The following CEACAM21 variants were observed in gnomAD, a reference collection of about 807,000 sequenced individuals.
CEACAM21 encodes cell adhesion molecule CEACAM21.
In CEACAM21, 38 loss-of-function variants were observed where a neutral mutation model predicts 33.2. That is an observed-to-expected ratio of 1.14 (90% CI 0.88 to 1.50). The LOEUF is 1.50. CEACAM21 is among the 40% of genes most tolerant of loss of function. The probability of loss-of-function intolerance (pLI) is 0.00; values close to 1 mark genes in which losing one functional copy is unlikely to be tolerated. For missense variants in CEACAM21, 385 were observed against 364.6 expected (o/e 1.06, Z -0.46); for synonymous variants, 156 against 143.0 (o/e 1.09, Z -0.65).
chr19:41,579,316 G>T, intron 2 of CEACAM21, 37 bp from the exon 3 acceptor site: 1 of 1,613,922 alleles, frequency 6.2e-7, no homozygotes, highest in Non-Finnish European at 8.5e-7. Context: ...ATGCAGCATG[G>T]CCCCAAGACA....
At chr19:41,556,070 G>A (rs1555785544) in intron 1 of CEACAM21, among the ~76,000 whole-genome samples, 1 of 152,216 alleles carries the variant, frequency 6.6e-6, no homozygotes, top group Non-Finnish European at 1.5e-5. Context: ...AGGAGAACAG[G>A]AGACCCCCAA....
intron 1 of CEACAM21, among the ~76,000 whole-genome samples, chr19:41,551,011 T>C (rs1661998378): frequency 6.6e-6 from 1 of 152,224 alleles, no homozygotes; most frequent in Admixed American, 6.5e-5. Context: ...GATGATCTTG[T>C]GATCTCAGCA....
chr19:41,552,592 G>T (rs1335671783), intron 1 of CEACAM21, among the ~76,000 whole-genome samples: 2 of 152,184 alleles, frequency 1.3e-5, no homozygotes, highest in African/African-American at 4.8e-5. Context: ...AATCCCCACT[G>T]TCAATTTGCG....
chr19:41,585,561 G>T, intron 5 of CEACAM21, 66 bp downstream of exon 5: 2 of 1,538,382 alleles, frequency 1.3e-6, no homozygotes, highest in Admixed American at 1.7e-5. Flanking sequence ...GTCCACTCCT[G>T]CCAGTTACAC....
chr19:41,577,345 G>C lies in CEACAM21; in HGVS notation c.210G>C (p.Gly70=). The change falls in exon 2 of 7, where the codon GGG becomes GGC. Residue 70 remains glycine (G), a synonymous_variant. Transcript: ENST00000401445. ...ENLYSYGWYK[G]KTVEPNQLIA... The stretch of plus-strand genomic sequence containing the variant: ...TTTACAGCTATGGCTGGTACAAAGG[G>C]AAAACGGTGGAGCCCAACCAGCTAA... 1.9e-6 allele frequency: 3 copies of C among 1,614,054 alleles called. No individual in the cohort carries two copies. Among genetic ancestry groups the C allele is most frequent in the Non-Finnish European group, 2.5e-6 (3 of 1,179,998 alleles).
intron 2 of CEACAM21, among the ~76,000 whole-genome samples, chr19:41,565,276 G>A (rs1349373571): frequency 6.6e-6 from 1 of 152,086 alleles, no homozygotes; most frequent in Non-Finnish European, 1.5e-5. Flanking sequence ...GCACAGTGGG[G>A]AGGAGAAGGG....
At position 41,579,415 on chromosome 19, in the gene CEACAM21, G is replaced by T. The variant is rs1393403983; in HGVS notation, c.487G>T (p.Val163Phe). The stretch of plus-strand genomic sequence containing the variant: ...CACAGTCACAGAGAAGGGCTCCGTG[G>T]TCCTGACCTGCCACACAAATAACAC... ...STTVTEKGSVVLTCHTNNTGT... is the reference protein window; with the variant it reads ...STTVTEKGSVFLTCHTNNTGT... Residue 163 changes from valine to phenylalanine, a missense_variant, in exon 3 of 7, where the codon GTC becomes TTC. Physicochemically the swap from Val to Phe is conservative, Grantham distance 50 (BLOSUM62 -1). Coordinates refer to ENST00000401445, the MANE Select transcript of CEACAM21 (RefSeq NM_001098506.4). 6.2e-7 allele frequency: 1 copy of T among 1,613,934 alleles called. No individual in the cohort carries two copies. The highest frequency in any genetic ancestry group is 8.5e-7 in the Non-Finnish European group (1 of 1,179,882).
At position 41,577,353 on chromosome 19, in the gene CEACAM21, T is replaced by A; in HGVS notation, c.218T>A (p.Val73Glu). Residue 73 changes from valine to glutamate, a missense_variant, in exon 2 of 7, where the codon GTG becomes GAG. Val to Glu is a moderately radical substitution (Grantham distance 121). Coordinates refer to ENST00000401445, the MANE Select transcript of CEACAM21 (RefSeq NM_001098506.4). ...YSYGWYKGKT[V>E]EPNQLIAAYV... ...TATGGCTGGTACAAAGGGAAAACGG[T>A]GGAGCCCAACCAGCTAATCGCAGCA... The A allele has an allele frequency of 6.2e-7, 1 of 1,613,974 alleles. No homozygotes were observed. Among genetic ancestry groups the A allele is most frequent in the Non-Finnish European group, 8.5e-7 (1 of 1,180,006 alleles).
At chr19:41,579,655 C>G in intron 3 of CEACAM21, 27 bp downstream of exon 3, 1 of 1,435,972 alleles carries the variant, frequency 7.0e-7, no homozygotes, top group Non-Finnish European at 9.4e-7. Context: ...CCCTCTCACT[C>G]CTTTCCTTGT....
intron 1 of CEACAM21, among the ~76,000 whole-genome samples, chr19:41,557,715 C>T (rs1334539741): frequency 6.6e-6 from 1 of 152,220 alleles, no homozygotes; most frequent in Admixed American, 6.5e-5. Context: ...TGCAAGTGAA[C>T]TGGCATTTCC....
At chr19:41,586,415 C>T (rs2070739758) in intron 6 of CEACAM21, 49 bp from the exon 7 acceptor site, 1 of 621,824 alleles carries the variant, frequency 1.6e-6, no homozygotes, top group African/African-American at 1.8e-5. Context: ...ATGCCAGACC[C>T]TGTTCTGAGA....
At chr19:41,557,888 G>C (rs2041634038) in intron 1 of CEACAM21, among the ~76,000 whole-genome samples, 1 of 152,164 alleles carries the variant, frequency 6.6e-6, no homozygotes, top group African/African-American at 2.4e-5. Context: ...CCTCATGTTA[G>C]AGATATGGAA....
chr19:41,558,148 A>G (rs1555785969), intron 1 of CEACAM21, among the ~76,000 whole-genome samples: 1 of 152,206 alleles, frequency 6.6e-6, no homozygotes, highest in Non-Finnish European at 1.5e-5. Context: ...TATATGCTCA[A>G]AGTTAAGCTA....
rs782086475 is a variant in CEACAM21, at chr19:41,576,251, A to C, written c.-24A>C. ...GAGCCCAAGCTCCTCTCCACAGAGG[A>C]GGACAGAGCAGGCAGCAGAGACCAT... On this transcript the variant is annotated 5_prime_UTR_variant, in exon 1 of 7. Transcript: ENST00000401445. The C allele has an allele frequency of 1.9e-6, 3 of 1,613,786 alleles. No homozygotes were observed. The Admixed American group carries it at 5.0e-5, about 27-fold the overall frequency.
upstream of CEACAM21, among the ~76,000 whole-genome samples, chr19:41,572,508 C>T (rs999857544): frequency 3.3e-5 from 5 of 152,106 alleles, no homozygotes; most frequent in Non-Finnish European, 7.4e-5. Flanking sequence ...TCCTCCTCTT[C>T]CCAGAGGCAC....
intron 1 of CEACAM21, among the ~76,000 whole-genome samples, chr19:41,554,110 A>G (rs1351929703): frequency 6.6e-6 from 1 of 152,208 alleles, no homozygotes; most frequent in Non-Finnish European, 1.5e-5. Flanking sequence ...AAAGTCAAAA[A>G]GATCACTTCA....
chr19:41,555,353 A>G (rs2041472819), intron 1 of CEACAM21: 1 of 150,368 alleles, frequency 6.7e-6, no homozygotes, highest in Non-Finnish European at 1.5e-5. Context: ...ATGAGCCTCA[A>G]GAGATTTAGA....
intron 1 of CEACAM21, among the ~76,000 whole-genome samples, chr19:41,559,338 G>A (rs1171810170): frequency 1.3e-5 from 2 of 152,184 alleles, no homozygotes; most frequent in African/African-American, 4.8e-5. Context: ...TTAAAAACAA[G>A]TGATAATTAA....
Position 41,586,473 on chromosome 19 carries a change from C to T in CEACAM21, c.*10C>T, listed in dbSNP as rs1555795550. On this transcript the variant is annotated 3_prime_UTR_variant, in exon 7 of 7. Transcript: ENST00000401445. ...TTCTCTGTTTTTACAGGAATTGCTA[C>T]ACTCTGACACAAACATTTACTGCTG... 4 of 633,106 alleles carry T rather than the reference C, an allele frequency of 6.3e-6. No individual in the cohort carries two copies. The highest frequency in any genetic ancestry group is 1.8e-5 in the Admixed American group (1 of 54,642). The allele number at this position is 633,106 out of a possible 1,614,324, so 39.2% of individuals were successfully genotyped here. A position where few individuals can be genotyped will look rare whatever the true frequency, so the allele number is the denominator to read the frequency against.
Sources: gnomAD v4.1 joint callset for allele counts (sites outside exome capture counted in the v4.1 genomes callset) on GRCh38, gnomAD v4.1.1 for gene constraint, MANE v1.5 for transcripts, NCBI Gene and HGNC (gene_info 2026-07-23, HGNC 2026-07-21) for gene names.